Variants in ZNF704 observed in about 807,000 individuals in gnomAD.
ZNF704 encodes zinc finger protein 704, also known as glucocorticoid induced gene 1.
In ZNF704, 10 loss-of-function variants were observed where a neutral mutation model predicts 44.7. The observed-to-expected ratio is 0.22, with a 90% CI of 0.14 to 0.38. The LOEUF (loss-of-function observed/expected upper bound fraction) is 0.38. Among genes scored for constraint, ZNF704 ranks in the 10% least tolerant of loss-of-function variants. The pLI is 1.00. For missense variants in ZNF704, 390 were observed against 545.5 expected (o/e 0.71, Z 2.84); for synonymous variants, 211 against 207.6 (o/e 1.02, Z -0.14).
rs1324411511 is a variant in ZNF704, at chr8:80,632,883, C to T, written c.*8483G>A. 6.6e-6 allele frequency: 1 copy of T among 152,174 alleles called. No homozygotes were observed. Among genetic ancestry groups the T allele is most frequent in the African/African-American group, 2.4e-5 (1 of 41,428 alleles). 9.4% of individuals were successfully genotyped at this position (152,174 alleles called of 1,614,324 possible). A position where few individuals can be genotyped will look rare whatever the true frequency, so the allele number is the denominator to read the frequency against. On this transcript the variant is annotated 3_prime_UTR_variant, in exon 9 of 9. Transcript: ENST00000327835. ...CTCCAACACTGTATTACTTTAGAAA[C>T]ATAATAATAAATATTATTCATCAAA...
intron 2 of ZNF704, among the ~76,000 whole-genome samples, chr8:80,820,718 C>T (rs1808255535): frequency 6.6e-6 from 1 of 151,908 alleles, no homozygotes; most frequent in East Asian, 1.9e-4. Flanking sequence ...CTGGGTAACA[C>T]AGTGAGACAC....
At chr8:80,798,670 G>A (rs753387249) in intron 2 of ZNF704, among the ~76,000 whole-genome samples, 27 of 152,264 alleles carry the variant, frequency 1.8e-4, no homozygotes, top group Non-Finnish European at 3.2e-4. Context: ...TCTAGGCTTT[G>A]TCTAGCCTGC....
chr8:80,690,365 G>T (rs11986650), intron 3 of ZNF704, among the ~76,000 whole-genome samples: 16,547 of 152,016 alleles, frequency 0.11, 3,041 homozygotes, highest in African/African-American at 0.38. Flanking sequence ...CTTTTTCCTC[G>T]AAGGATTCCA....
chr8:80,650,184 A>G (rs1817893895), intron 7 of ZNF704, among the ~76,000 whole-genome samples: 1 of 151,582 alleles, frequency 6.6e-6, no homozygotes, highest in Non-Finnish European at 1.5e-5. Context: ...ATCAAAGACC[A>G]AAGGTAGATA....
At chr8:80,850,113 T>G (rs1213400299) in intron 1 of ZNF704, among the ~76,000 whole-genome samples, 3 of 152,238 alleles carry the variant, frequency 2.0e-5, no homozygotes, top group Admixed American at 6.5e-5. Context: ...TTTTCCTACA[T>G]GTACTGGATA....
chr8:80,827,112 T>C (rs1002071649), intron 1 of ZNF704, among the ~76,000 whole-genome samples: 2 of 152,134 alleles, frequency 1.3e-5, no homozygotes, highest in African/African-American at 4.8e-5. Flanking sequence ...GGGCATTCAA[T>C]TAGGAAAAGA....
At chr8:80,827,478 T>C (rs985562287) in intron 1 of ZNF704, among the ~76,000 whole-genome samples, 11 of 152,090 alleles carry the variant, frequency 7.2e-5, no homozygotes, top group Admixed American at 2.6e-4. Flanking sequence ...ATCAATATCA[T>C]GAAAATGGCC....
intron 1 of ZNF704, among the ~76,000 whole-genome samples, chr8:80,823,856 A>G (rs1334642432): frequency 6.6e-6 from 1 of 152,230 alleles, no homozygotes; most frequent in African/African-American, 2.4e-5. Flanking sequence ...TGCAGCTGAG[A>G]GTCCTGACTG....
At position 80,632,547 on chromosome 8, in the gene ZNF704, G is replaced by A. The variant is rs1817603906; in HGVS notation, c.*8819C>T. 6.6e-6 allele frequency: 1 copy of A among 152,198 alleles called. No individual in the cohort carries two copies. The highest frequency in any genetic ancestry group is 2.4e-5 in the African/African-American group (1 of 41,448). The allele number at this position is 152,198 out of a possible 1,614,324, so 9.4% of individuals were successfully genotyped here. A position where few individuals can be genotyped will look rare whatever the true frequency, so the allele number is the denominator to read the frequency against. On this transcript the variant is annotated 3_prime_UTR_variant, in exon 9 of 9. Transcript: ENST00000327835. ...AGGGAAAAGGACCTAGCAAGATAAT[G>A]TAATAGTTAATTAGACTTGAGAATT...
Position 80,679,505 on chromosome 8 carries a change from T to G in ZNF704, c.558+7721A>C, listed in dbSNP as rs146119547. Reference sequence around the variant, plus strand: ...GCAGCCAAATCTGAATGGTCCCATCTGTGCTTCTACCCTAGCTTCTCCTCG... The same window carrying G: ...GCAGCCAAATCTGAATGGTCCCATCGGTGCTTCTACCCTAGCTTCTCCTCG... On this transcript the variant is annotated intron_variant, in intron 4 of 8. Coordinates refer to ENST00000327835, the MANE Select transcript of ZNF704 (RefSeq NM_001033723.3). 2.3e-3 allele frequency among the ~76,000 whole-genome samples: 356 copies of G among 152,332 alleles called. 3 individuals carry two copies. The highest frequency in any genetic ancestry group is 8.1e-3 in the African/African-American group (335 of 41,560).
chr8:80,761,459 T>A (rs1807129215), intron 2 of ZNF704, among the ~76,000 whole-genome samples: 1 of 152,072 alleles, frequency 6.6e-6, no homozygotes, highest in African/African-American at 2.4e-5. Flanking sequence ...AAAGACACAA[T>A]CCTAAACACT....
intron 2 of ZNF704, among the ~76,000 whole-genome samples, chr8:80,757,518 T>C (rs918032565): frequency 1.3e-5 from 2 of 152,048 alleles, no homozygotes; most frequent in Non-Finnish European, 2.9e-5. Context: ...GGTTAATATA[T>C]TGCTGAAGAA....
chr8:80,702,769 G>A (rs1278661839), intron 2 of ZNF704, among the ~76,000 whole-genome samples: 1 of 152,188 alleles, frequency 6.6e-6, no homozygotes, highest in Non-Finnish European at 1.5e-5. Context: ...AGAGATGGCC[G>A]AGTCCAAGGT....
chr8:80,819,618 CA>C (rs1433833634), intron 2 of ZNF704, among the ~76,000 whole-genome samples: 7 of 150,720 alleles, frequency 4.6e-5, no homozygotes, highest in African/African-American at 1.7e-4. Context: ...ATGAGACAAC[CA>C]AACAACAAAT....
At chr8:80,767,034 A>G (rs1807239614) in intron 2 of ZNF704, among the ~76,000 whole-genome samples, 1 of 152,138 alleles carries the variant, frequency 6.6e-6, no homozygotes, top group South Asian at 2.1e-4. Context: ...GTTTTAAATA[A>G]GGAAACCACA....
chr8:80,683,527 T>C (rs140883242), intron 4 of ZNF704, among the ~76,000 whole-genome samples: 4 of 152,338 alleles, frequency 2.6e-5, no homozygotes, highest in East Asian at 1.9e-4. Context: ...GAAGGAAATA[T>C]GGATTCACTG....
chr8:80,866,597 T>C (rs1809158340), intron 1 of ZNF704, among the ~76,000 whole-genome samples: 1 of 152,212 alleles, frequency 6.6e-6, no homozygotes, highest in Non-Finnish European at 1.5e-5. Flanking sequence ...TTGCTTGACT[T>C]CTGCAAACAT....
At chr8:80,742,216 C>T (rs1415558439) in intron 2 of ZNF704, among the ~76,000 whole-genome samples, 5 of 152,178 alleles carry the variant, frequency 3.3e-5, no homozygotes, top group East Asian at 1.9e-4. Context: ...AGGCGGGACC[C>T]TCCATTAGAA....
At chr8:80,678,158 T>C (rs1168726031) in intron 4 of ZNF704, among the ~76,000 whole-genome samples, 2 of 152,198 alleles carry the variant, frequency 1.3e-5, no homozygotes, top group Non-Finnish European at 2.9e-5. Flanking sequence ...CTCAGGTCAT[T>C]AGCAAAAGTG....
Sources: allele counts gnomAD v4.1 joint callset (sites outside exome capture counted in the v4.1 genomes callset), GRCh38; gene constraint gnomAD v4.1.1; transcripts MANE v1.5; gene names NCBI Gene and HGNC (gene_info 2026-07-23, HGNC 2026-07-21).